Variants in COL24A1 observed in about 807,000 individuals in gnomAD.
The protein encoded by COL24A1 is collagen type XXIV alpha 1 chain.
In COL24A1, 224 loss-of-function variants were observed where a neutral mutation model predicts 253.9. The ratio of observed to expected loss-of-function variants is 0.88; its 90% CI spans 0.79 to 0.99. COL24A1 has a LOEUF of 0.99. Among genes scored for constraint, COL24A1 ranks in the 50% least tolerant of loss-of-function variants. The pLI is 0.00. For missense variants in COL24A1, 2,131 were observed against 2,068.5 expected, an observed-to-expected ratio of 1.03 and a Z score of -0.59; for synonymous variants, 685 against 673.7, an observed-to-expected ratio of 1.02 and a Z score of -0.26.
chr1:86,151,478 T>C (rs926452628), intron 1 of COL24A1, among the ~76,000 whole-genome samples: 1 of 152,068 alleles, frequency 6.6e-6, no homozygotes, highest in Non-Finnish European at 1.5e-5. Flanking sequence ...TATTGATAGC[T>C]AACAAAATAA....
intron 37 of COL24A1, 107 bp downstream of exon 37, chr1:85,868,412 A>T: frequency 5.9e-6 from 4 of 678,118 alleles, no homozygotes; most frequent in Non-Finnish European, 1.0e-5. Context: ...ATATACAATT[A>T]TCCACTGGAT....
intron 24 of COL24A1, among the ~76,000 whole-genome samples, chr1:85,945,935 G>A (rs753587103): frequency 3.9e-5 from 6 of 152,142 alleles, no homozygotes; most frequent in Non-Finnish European, 7.3e-5. Flanking sequence ...GCAGGCTTGA[G>A]TTTGCCATCT....
intron 47 of COL24A1, among the ~76,000 whole-genome samples, chr1:85,810,368 C>T (rs556626594): frequency 2.6e-5 from 4 of 152,226 alleles, no homozygotes; most frequent in East Asian, 1.9e-4. Context: ...AAATAACCTG[C>T]CCCTTATTTA....
chr1:85,735,048 C>G (rs1570384958), intron 58 of COL24A1, 84 bp from the exon 59 acceptor site: 2 of 1,283,150 alleles, frequency 1.6e-6, no homozygotes, highest in African/African-American at 1.5e-5. Context: ...AAAAGTCCTT[C>G]AAAGGCAGCC....
rs535443151 is a variant in COL24A1, at chr1:85,907,256, T to G, written c.2725-9A>C. ...CTTGCCCCCACATGACCCTATATGT[T>G]GTAAATTTAAAGTCAGTTGTAGAAT... On this transcript the variant is annotated splice_polypyrimidine_tract_variant and intron_variant, in intron 27 of 59. Coordinates refer to ENST00000370571, the MANE Select transcript of COL24A1 (RefSeq NM_152890.7). 21 of 1,609,004 alleles carry G rather than the reference T, an allele frequency of 1.3e-5. No homozygotes were observed. The South Asian group carries it at 1.8e-4, about 14-fold the overall frequency.
chr1:85,869,700 C>A (rs1049152043), intron 35 of COL24A1, among the ~76,000 whole-genome samples: 1 of 152,162 alleles, frequency 6.6e-6, no homozygotes, highest in African/African-American at 2.4e-5. Context: ...GAAGGAAGCA[C>A]TAAACACGGA....
intron 35 of COL24A1, among the ~76,000 whole-genome samples, chr1:85,870,198 A>T (rs1680296258): frequency 6.6e-6 from 1 of 152,196 alleles, no homozygotes; most frequent in African/African-American, 2.4e-5. Context: ...TTCATAAAGC[A>T]AGTCCTCAGA....
chr1:85,878,566 A>G (rs1013828059), intron 32 of COL24A1, among the ~76,000 whole-genome samples: 1 of 152,216 alleles, frequency 6.6e-6, no homozygotes, highest in African/African-American at 2.4e-5. Flanking sequence ...TTTTGTGTGG[A>G]CATAAGTTTT....
intron 37 of COL24A1, among the ~76,000 whole-genome samples, chr1:85,852,796 GA>G (rs1677926611): frequency 6.6e-6 from 1 of 152,130 alleles, no homozygotes; most frequent in African/African-American, 2.4e-5. Flanking sequence ...AAAAAGAATG[GA>G]ACCTATTTTT....
At chr1:86,093,445 G>A (rs1703655183) in intron 5 of COL24A1, among the ~76,000 whole-genome samples, 1 of 151,934 alleles carries the variant, frequency 6.6e-6, no homozygotes, top group Admixed American at 6.6e-5. Context: ...TTGTAGGTGT[G>A]CAGTCTTATT....
intron 34 of COL24A1, 110 bp from the exon 35 acceptor site, chr1:85,874,812 C>A: frequency 8.5e-7 from 1 of 1,183,022 alleles, no homozygotes; most frequent in Non-Finnish European, 1.2e-6. Flanking sequence ...GTAGAGGGTA[C>A]CTGTCCAAGG....
At position 86,080,326 on chromosome 1, in the gene COL24A1, T is replaced by C. The variant is rs987820458; in HGVS notation, c.1707+8848A>G. Among the ~76,000 whole-genome samples, 5 of 152,156 alleles carry C rather than the reference T, an allele frequency of 3.3e-5. No homozygotes were observed. In the East Asian group the frequency reaches 9.6e-4, roughly 29 times the overall value. The stretch of plus-strand genomic sequence containing the variant: ...TAGGGAAGGGAGCATAGTTAATGAG[T>C]ACAAAAGAATAGTTACAAAGAATGA... On this transcript the variant is annotated intron_variant, in intron 7 of 59. Coordinates refer to ENST00000370571, the MANE Select transcript of COL24A1 (RefSeq NM_152890.7).
intron 3 of COL24A1, among the ~76,000 whole-genome samples, chr1:86,115,641 C>T (rs756628766): frequency 2.0e-5 from 3 of 152,096 alleles, no homozygotes; most frequent in Non-Finnish European, 4.4e-5. Context: ...TTTAAAGGGA[C>T]CACAACTAGT....
intron 12 of COL24A1, among the ~76,000 whole-genome samples, chr1:86,036,287 C>A (rs1047284313): frequency 2.0e-5 from 3 of 151,984 alleles, no homozygotes; most frequent in Non-Finnish European, 4.4e-5. Context: ...TGTACCAAGC[C>A]GTTGTGTATT....
chr1:86,126,165 G>C lies in COL24A1; in HGVS notation c.171C>G (p.His57Gln), dbSNP rs1648269936. 2 of 1,607,116 alleles carry C rather than the reference G, an allele frequency of 1.2e-6. No homozygotes were observed. The highest frequency in any genetic ancestry group is 1.1e-5 in the South Asian group (1 of 91,032). ...QLGLGGKDVR[H>Q]SSPATAVPSA... ...ATGGTACAGCAGTCGCTGGTGATGA[G>C]TGTCTTACGTCTTTGCCTCCAAGGC... is the stretch of plus-strand genomic sequence containing the variant. Residue 57 changes from histidine to glutamine, a missense_variant, in exon 3 of 60, where the codon CAC becomes CAG. By Grantham distance (24) the His-to-Gln change is conservative. Coordinates refer to ENST00000370571, the MANE Select transcript of COL24A1 (RefSeq NM_152890.7).
intron 20 of COL24A1, among the ~76,000 whole-genome samples, chr1:85,973,085 TC>T (rs1186328315): frequency 6.6e-6 from 1 of 152,214 alleles, no homozygotes; most frequent in Non-Finnish European, 1.5e-5. Context: ...AACTGCTCTT[TC>T]AGAATTCAAA....
intron 24 of COL24A1, among the ~76,000 whole-genome samples, chr1:85,934,328 A>G (rs1688068568): frequency 6.6e-6 from 1 of 152,190 alleles, no homozygotes; most frequent in African/African-American, 2.4e-5. Flanking sequence ...GAATTTGTAG[A>G]TATATTTTTA....
chr1:85,970,776 A>T (rs1692080428), intron 21 of COL24A1, among the ~76,000 whole-genome samples: 1 of 152,224 alleles, frequency 6.6e-6, no homozygotes, highest in Non-Finnish European at 1.5e-5. Context: ...CAAATAGTAA[A>T]TATAAATTCT....
intron 35 of COL24A1, among the ~76,000 whole-genome samples, chr1:85,873,961 G>A (rs151309164): frequency 2.0e-5 from 3 of 152,154 alleles, no homozygotes; most frequent in East Asian, 3.9e-4. Context: ...TTATTTAAAA[G>A]TAAATTAATT....
Sources: gnomAD v4.1 joint callset for allele counts (sites outside exome capture counted in the v4.1 genomes callset) on GRCh38, gnomAD v4.1.1 for gene constraint, MANE v1.5 for transcripts, NCBI Gene and HGNC (gene_info 2026-07-23, HGNC 2026-07-21) for gene names.